Variants in CNBD1 observed in about 807,000 individuals in gnomAD.
CNBD1 encodes cyclic nucleotide binding domain containing 1, also known as cyclic nucleotide-binding domain-containing protein 1.
CNBD1 carries 71 observed loss-of-function variants against 54.4 expected under a neutral mutation model. The ratio of observed to expected loss-of-function variants is 1.30; its 90% CI spans 1.08 to 1.59. CNBD1 has a LOEUF of 1.59. Ranked by LOEUF, CNBD1 falls within the 40% of genes most tolerant of loss-of-function variation. The pLI, the probability that CNBD1 is intolerant of heterozygous loss-of-function variation, is 0.00. For synonymous variants in CNBD1, 182 were observed against 170.7 expected (o/e 1.07, Z -0.51); for missense variants, 659 against 518.0 (o/e 1.27, Z -2.64).
chr8:87,154,198 A>G lies in CNBD1; in HGVS notation c.432-51795A>G, dbSNP rs73690103. On this transcript the variant is annotated intron_variant, in intron 4 of 10. Coordinates refer to ENST00000518476, the MANE Select transcript of CNBD1 (RefSeq NM_173538.3). ...GATTTTTTAACCTATCGCATCTCCA[A>G]TTTGGTGTAATAGAAAGTGAAATAA... 4.7e-3 allele frequency among the ~76,000 whole-genome samples: 720 copies of G among 152,268 alleles called. 8 individuals are homozygous for G. The highest frequency in any genetic ancestry group is 0.017 in the African/African-American group (686 of 41,548).
downstream of CNBD1, among the ~76,000 whole-genome samples, chr8:87,387,373 G>A (rs935700186): frequency 1.1e-4 from 17 of 151,958 alleles, no homozygotes; most frequent in Admixed American, 2.0e-4. Context: ...CTCACGTGCC[G>A]AGACACACAT....
In CNBD1 at chr8:87,138,033, A is replaced by G. The variant is rs150904140; in HGVS notation, c.432-67960A>G. Among the ~76,000 whole-genome samples, 5 of 152,180 alleles carry G rather than the reference A, an allele frequency of 3.3e-5. No individual in the cohort carries two copies. The East Asian group carries it at 7.7e-4, about 24-fold the overall frequency. On this transcript the variant is annotated intron_variant, in intron 4 of 10. Coordinates refer to ENST00000518476, the MANE Select transcript of CNBD1 (RefSeq NM_173538.3). ...CATTACATAAAACCCCAAAATATCT[A>G]ATTCGGATTATTTCTTAAAATGTCA...
At chr8:87,087,246 C>T (rs964483129) in intron 4 of CNBD1, among the ~76,000 whole-genome samples, 36 of 133,088 alleles carry the variant, frequency 2.7e-4, no homozygotes, top group Non-Finnish European at 4.8e-4. Context: ...TATATATATA[C>T]GTATATATAT....
At chr8:86,903,497 G>A (rs1261902014) in intron 2 of CNBD1, among the ~76,000 whole-genome samples, 1 of 152,038 alleles carries the variant, frequency 6.6e-6, no homozygotes, top group Non-Finnish European at 1.5e-5. Context: ...AGTTATGTAA[G>A]ATGCATATAC....
chr8:86,983,061 A>G (rs1438969370), intron 4 of CNBD1, among the ~76,000 whole-genome samples: 1 of 152,282 alleles, frequency 6.6e-6, no homozygotes, highest in South Asian at 2.1e-4. Context: ...TATGATGCTG[A>G]GTGATATGGT....
Position 87,363,197 on chromosome 8 carries a change from T to A in CNBD1, c.1303+9411T>A, listed in dbSNP as rs147927960. On this transcript the variant is annotated intron_variant, in intron 10 of 10. Transcript: ENST00000518476. Reference sequence around the variant, plus strand: ...AGGACATGAACTCATCCTTTTTTTATGGCCACATAGTATTCCATGGTGTAT... The same window carrying A: ...AGGACATGAACTCATCCTTTTTTTAAGGCCACATAGTATTCCATGGTGTAT... Among the ~76,000 whole-genome samples the A allele has an allele frequency of 3.7e-3, 558 of 152,292 alleles. 3 individuals carry two copies. Among genetic ancestry groups the A allele is most frequent in the Non-Finnish European group, 5.9e-3 (400 of 68,012 alleles).
At chr8:87,319,215 TCAGGAGGATAGTATTA>T (rs988051807) in intron 8 of CNBD1, among the ~76,000 whole-genome samples, 1 of 152,064 alleles carries the variant, frequency 6.6e-6, no homozygotes, top group Admixed American at 6.6e-5. Context: ...CAGAGAAGTT[TCAGGAGGATAGTATTA>T]CAGGAGGAAG....
At chr8:87,001,578 A>C (rs1446209427) in intron 4 of CNBD1, among the ~76,000 whole-genome samples, 1 of 152,174 alleles carries the variant, frequency 6.6e-6, no homozygotes, top group Non-Finnish European at 1.5e-5. Flanking sequence ...TGAATGAGCT[A>C]AACTTCAGCT....
chr8:87,376,032 G>A (rs972419470), intron 10 of CNBD1, among the ~76,000 whole-genome samples: 4 of 151,700 alleles, frequency 2.6e-5, no homozygotes, highest in Non-Finnish European at 5.9e-5. Flanking sequence ...GCAATATGAA[G>A]GATTATAACA....
intron 4 of CNBD1, among the ~76,000 whole-genome samples, chr8:87,098,822 G>A (rs1189715859): frequency 6.6e-6 from 1 of 151,254 alleles, no homozygotes; most frequent in Non-Finnish European, 1.5e-5. Context: ...TGGATCATGA[G>A]GTCAGGAGTT....
intron 2 of CNBD1, among the ~76,000 whole-genome samples, chr8:87,408,254 G>T (rs1807683117): frequency 6.6e-6 from 1 of 151,658 alleles, no homozygotes; most frequent in African/African-American, 2.4e-5. Context: ...TTCTTACATT[G>T]TTTTCTCAGT....
At chr8:87,421,788 C>T in intron 2 of CNBD1, among the ~76,000 whole-genome samples, 1 of 144,308 alleles carries the variant, frequency 6.9e-6, no homozygotes, top group African/African-American at 2.6e-5. Flanking sequence ...GGGTATATAC[C>T]CAGTAATGGG....
intron 1 of CNBD1, among the ~76,000 whole-genome samples, chr8:86,869,255 G>T (rs1055208452): frequency 2.6e-5 from 4 of 152,090 alleles, no homozygotes; most frequent in African/African-American, 9.7e-5. Context: ...TTACACTTAA[G>T]GATAATAAGG....
chr8:87,299,243 G>A (rs1172658391), intron 8 of CNBD1, among the ~76,000 whole-genome samples: 2 of 152,024 alleles, frequency 1.3e-5, no homozygotes, highest in South Asian at 2.1e-4. Flanking sequence ...GAGAGTCTCA[G>A]GATTATCCTT....
chr8:87,224,360 G>A (rs1190417432), intron 5 of CNBD1, among the ~76,000 whole-genome samples: 1 of 151,226 alleles, frequency 6.6e-6, no homozygotes. Context: ...TTCTTCTAGG[G>A]TTTTTATGGT....
intron 5 of CNBD1, among the ~76,000 whole-genome samples, chr8:87,210,397 A>C (rs1814071671): frequency 6.6e-6 from 1 of 152,214 alleles, no homozygotes; most frequent in South Asian, 2.1e-4. Context: ...TGTGTGACTA[A>C]AAAAGAGCTA....
In CNBD1 at chr8:86,949,959, T is replaced by TTTG. The variant is rs1563833528; in HGVS notation, c.431+10207_431+10208insGTT. Among the ~76,000 whole-genome samples, 8 of 128,984 alleles carry TTTG rather than the reference T, an allele frequency of 6.2e-5. 1 individual carries two copies. The highest frequency in any genetic ancestry group is 1.8e-4 in the African/African-American group (6 of 33,094). 84.6% of individuals were successfully genotyped at this position (128,984 alleles called of 152,430 possible). A position where few individuals can be genotyped will look rare whatever the true frequency, so the allele number is the denominator to read the frequency against. ...ACTTCATCAAATGCTTTTTTTTTTTTTTTTTTTTTTTTTTTGAGATGGAGT... is the reference window on the plus strand; with the variant it reads ...ACTTCATCAAATGCTTTTTTTTTTTTTTGTTTTTTTTTTTTTTTGAGATGGAGT... On this transcript the variant is annotated intron_variant, in intron 4 of 10. Transcript: ENST00000518476.
chr8:86,958,523 G>A (rs1563837108), intron 4 of CNBD1, among the ~76,000 whole-genome samples: 3 of 152,304 alleles, frequency 2.0e-5, no homozygotes, highest in Non-Finnish European at 2.9e-5. Context: ...TGTATTGGGT[G>A]CATATATATT....
chr8:87,025,060 G>C (rs549364976), intron 4 of CNBD1, among the ~76,000 whole-genome samples: 1 of 152,300 alleles, frequency 6.6e-6, no homozygotes, highest in African/African-American at 2.4e-5. Flanking sequence ...GGTGAAGCCA[G>C]CTGGGCGTCT....
Sources: allele counts gnomAD v4.1 joint callset (sites outside exome capture counted in the v4.1 genomes callset), GRCh38; gene constraint gnomAD v4.1.1; transcripts MANE v1.5; gene names NCBI Gene and HGNC (gene_info 2026-07-23, HGNC 2026-07-21).